Variants in MDGA2 observed in about 807,000 individuals in gnomAD.
The protein encoded by MDGA2 is MAM domain-containing glycosylphosphatidylinositol anchor protein 2.
In MDGA2, 40 loss-of-function variants were observed where a neutral mutation model predicts 117.8. The observed-to-expected ratio is 0.34, with a 90% CI of 0.26 to 0.44. The LOEUF is 0.44. MDGA2 is among the 20% of genes least tolerant of loss of function. The probability of loss-of-function intolerance (pLI) is 1.00; values close to 1 mark genes in which losing one functional copy is unlikely to be tolerated. For missense variants in MDGA2, 1,123 were observed against 1,250.6 expected (o/e 0.90, Z 1.54); for synonymous variants, 452 against 439.0 (o/e 1.03, Z -0.37).
intron 2 of MDGA2, among the ~76,000 whole-genome samples, chr14:47,291,950 A>G (rs1888905809): frequency 6.6e-6 from 1 of 152,192 alleles, no homozygotes; most frequent in African/African-American, 2.4e-5. Flanking sequence ...TATCCCACAT[A>G]AGAGCAAACT....
chr14:47,500,919 A>T (rs1894386144), intron 1 of MDGA2, among the ~76,000 whole-genome samples: 1 of 152,146 alleles, frequency 6.6e-6, no homozygotes, highest in Admixed American at 6.6e-5. Context: ...AATAAAAATT[A>T]CTATTTTGAA....
At chr14:46,881,132 A>G (rs1882443197) in intron 11 of MDGA2, among the ~76,000 whole-genome samples, 1 of 152,058 alleles carries the variant, frequency 6.6e-6, no homozygotes, top group South Asian at 2.1e-4. Flanking sequence ...ATGTCTTTTG[A>G]TATGTATATA....
At chr14:47,052,447 G>A (rs183723617) in intron 7 of MDGA2, among the ~76,000 whole-genome samples, 29 of 151,864 alleles carry the variant, frequency 1.9e-4, no homozygotes, top group African/African-American at 5.1e-4. Flanking sequence ...GGAAAATATT[G>A]GAGTATTTTC....
At chr14:47,107,049 A>T (rs61992547) in intron 5 of MDGA2, among the ~76,000 whole-genome samples, 5,959 of 107,272 alleles carry the variant, frequency 0.056, 679 homozygotes, top group Non-Finnish European at 0.067. Flanking sequence ...CTTTGCGTCC[A>T]CCTCTTCTAT....
chr14:47,019,716 C>A (rs941122844), intron 8 of MDGA2, among the ~76,000 whole-genome samples: 1 of 151,662 alleles, frequency 6.6e-6, no homozygotes, highest in Non-Finnish European at 1.5e-5. Context: ...TGGTGGCGGG[C>A]GCCTGTAGTC....
intron 1 of MDGA2, among the ~76,000 whole-genome samples, chr14:47,613,317 T>A (rs992101716): frequency 1.3e-5 from 2 of 152,080 alleles, no homozygotes; most frequent in African/African-American, 4.8e-5. Context: ...GAATTCTACA[T>A]CTGAACACAT....
intron 2 of MDGA2, among the ~76,000 whole-genome samples, chr14:47,290,383 GGT>G (rs1440374262): frequency 6.6e-6 from 1 of 152,020 alleles, no homozygotes; most frequent in Non-Finnish European, 1.5e-5. Context: ...GGAATCTGCA[GGT>G]GCCTTAATCT....
At chr14:47,560,672 T>C (rs561176861) in intron 1 of MDGA2, among the ~76,000 whole-genome samples, 13 of 152,204 alleles carry the variant, frequency 8.5e-5, no homozygotes, top group Non-Finnish European at 1.5e-4. Flanking sequence ...TTTACTCTGT[T>C]GATAGTTTCT....
chr14:47,281,055 G>A (rs976481131), intron 2 of MDGA2, among the ~76,000 whole-genome samples: 4 of 146,796 alleles, frequency 2.7e-5, no homozygotes, highest in African/African-American at 7.4e-5. Context: ...AAATTAACAA[G>A]CTGTGTTCAA....
At chr14:46,859,257 G>A (rs1263210424) in intron 14 of MDGA2, among the ~76,000 whole-genome samples, 1 of 152,080 alleles carries the variant, frequency 6.6e-6, no homozygotes, top group Non-Finnish European at 1.5e-5. Flanking sequence ...AATATTCCAT[G>A]CTGCTCTCCT....
intron 1 of MDGA2, among the ~76,000 whole-genome samples, chr14:47,435,090 C>G (rs1892871259): frequency 6.6e-6 from 1 of 152,034 alleles, no homozygotes; most frequent in Non-Finnish European, 1.5e-5. Flanking sequence ...GAGCCGAGAT[C>G]ACGCCACTGC....
In MDGA2 at chr14:47,135,001, T is replaced by G. The variant is rs201327786; in HGVS notation, c.793-3155A>C. 1.3e-4 allele frequency among the ~76,000 whole-genome samples: 20 copies of G among 152,142 alleles called. No homozygotes were observed. The East Asian group carries it at 3.1e-3, about 24-fold the overall frequency. On this transcript the variant is annotated intron_variant, in intron 4 of 16. Coordinates refer to ENST00000399232, the MANE Select transcript of MDGA2 (RefSeq NM_001113498.3). ...ATTATACTCTGTCAGTCCTTGTTTC[T>G]GTTTCCACTGACAAATTCTGTTTCA...
intron 3 of MDGA2, among the ~76,000 whole-genome samples, chr14:47,205,321 T>C (rs1885645451): frequency 6.6e-6 from 1 of 152,014 alleles, no homozygotes; most frequent in South Asian, 2.1e-4. Context: ...CTCTTCCTTG[T>C]GCTTATGATC....
chr14:47,398,692 C>A (rs1191964806), intron 1 of MDGA2, among the ~76,000 whole-genome samples: 1 of 152,084 alleles, frequency 6.6e-6, no homozygotes, highest in Non-Finnish European at 1.5e-5. Flanking sequence ...GTATTTCATG[C>A]AATTTAATGT....
At position 47,426,697 on chromosome 14, in the gene MDGA2, T is replaced by C. The variant is rs548996071; in HGVS notation, c.281-125147A>G. On this transcript the variant is annotated intron_variant, in intron 1 of 16. Coordinates refer to ENST00000399232, the MANE Select transcript of MDGA2 (RefSeq NM_001113498.3). ...TTATATATATCATTTATATATATCA[T>C]TTATATATATATATACATATATGTA... Among the ~76,000 whole-genome samples, 10 of 123,092 alleles carry C rather than the reference T, an allele frequency of 8.1e-5. No individual in the cohort carries two copies. In the South Asian group the frequency reaches 3.1e-3, roughly 39 times the overall value. The allele number at this position is 123,092 out of a possible 152,430, so 80.8% of individuals were successfully genotyped here.
chr14:47,359,442 C>T (rs1891065863), intron 1 of MDGA2, among the ~76,000 whole-genome samples: 1 of 151,840 alleles, frequency 6.6e-6, no homozygotes, highest in Admixed American at 6.6e-5. Flanking sequence ...CCATAAAAAC[C>T]AACACACAGA....
intron 7 of MDGA2, chr14:47,058,621 G>T (rs1889767644): frequency 1.0e-6 from 1 of 984,694 alleles, no homozygotes; most frequent in African/African-American, 1.7e-5. Context: ...ATAGTATTGG[G>T]ATAAATATCA....
intron 9 of MDGA2, among the ~76,000 whole-genome samples, chr14:46,950,517 C>T (rs1342050145): frequency 6.6e-6 from 1 of 151,920 alleles, no homozygotes; most frequent in East Asian, 1.9e-4. Flanking sequence ...AGTACAGCTG[C>T]AACTCATAAG....
At chr14:46,919,962 G>T (rs1250016999) in intron 10 of MDGA2, 50 bp downstream of exon 10, 6 of 1,488,986 alleles carry the variant, frequency 4.0e-6, no homozygotes, top group African/African-American at 2.9e-5. Context: ...TAACAACAAG[G>T]TCTTCACAGA....
Sources: gnomAD v4.1 joint callset for allele counts (sites outside exome capture counted in the v4.1 genomes callset) on GRCh38, gnomAD v4.1.1 for gene constraint, MANE v1.5 for transcripts, NCBI Gene and HGNC (gene_info 2026-07-23, HGNC 2026-07-21) for gene names.